The following SEMA3E variants were observed in gnomAD, a reference collection of about 807,000 sequenced individuals.
SEMA3E encodes the protein semaphorin-3E.
In SEMA3E, 49 loss-of-function variants were observed where a neutral mutation model predicts 93.6. The ratio of observed to expected loss-of-function variants is 0.52; its 90% CI spans 0.42 to 0.66. The LOEUF is 0.66. SEMA3E is among the 30% of genes least tolerant of loss of function. SEMA3E has a pLI of 0.00. For synonymous variants in SEMA3E, 363 were observed against 330.7 expected (o/e 1.10, Z -1.06); for missense variants, 906 against 964.8 (o/e 0.94, Z 0.81).
chr7:83,629,536 C>T (rs906159978), intron 1 of SEMA3E, among the ~76,000 whole-genome samples: 28 of 152,082 alleles, frequency 1.8e-4, no homozygotes, highest in African/African-American at 2.7e-4. Flanking sequence ...GTGGCTTTGC[C>T]GAGCTACGAT....
chr7:83,393,311 A>T (rs1351429465), intron 13 of SEMA3E, among the ~76,000 whole-genome samples: 1 of 151,956 alleles, frequency 6.6e-6, no homozygotes, highest in East Asian at 1.9e-4. Flanking sequence ...AGGCAGGTAA[A>T]TTGCTTGAGC....
At chr7:83,526,989 T>G (rs982268874) in intron 1 of SEMA3E, among the ~76,000 whole-genome samples, 2 of 151,928 alleles carry the variant, frequency 1.3e-5, no homozygotes, top group African/African-American at 4.8e-5. Flanking sequence ...TCTTTGCAAA[T>G]AGAGTCTTAT....
At chr7:83,614,864 G>T (rs1291059923) in intron 1 of SEMA3E, among the ~76,000 whole-genome samples, 1 of 152,012 alleles carries the variant, frequency 6.6e-6, no homozygotes, top group Non-Finnish European at 1.5e-5. Flanking sequence ...AGGATGACAG[G>T]GATGTGCAAT....
At chr7:83,441,837 A>G (rs1435983124) in intron 4 of SEMA3E, among the ~76,000 whole-genome samples, 1 of 152,190 alleles carries the variant, frequency 6.6e-6, no homozygotes, top group East Asian at 1.9e-4. Context: ...CCTTCCAGAG[A>G]GGAAAAGGTC....
chr7:83,627,627 G>C (rs1793696877), intron 1 of SEMA3E, among the ~76,000 whole-genome samples: 1 of 95,060 alleles, frequency 1.1e-5, no homozygotes, highest in Non-Finnish European at 2.1e-5. Context: ...CGCAACCCCT[G>C]CTTTTTTTTT....
intron 1 of SEMA3E, among the ~76,000 whole-genome samples, chr7:83,502,087 T>G (rs1427856891): frequency 1.3e-5 from 2 of 152,144 alleles, no homozygotes; most frequent in Non-Finnish European, 2.9e-5. Flanking sequence ...AGGCTTCCAC[T>G]CAGTAAATGG....
At chr7:83,405,403 G>T in intron 9 of SEMA3E, 47 bp downstream of exon 9, 2 of 1,334,154 alleles carry the variant, frequency 1.5e-6, no homozygotes, top group Non-Finnish European at 2.2e-6. Context: ...GTCCGGTGAG[G>T]CATCTCTTGT....
intron 1 of SEMA3E, among the ~76,000 whole-genome samples, chr7:83,527,801 T>G (rs986823085): frequency 6.6e-6 from 1 of 151,962 alleles, no homozygotes. Flanking sequence ...TTGTTGTCAT[T>G]AGTGATATTT....
intron 4 of SEMA3E, chr7:83,461,962 C>T (rs1336001935): frequency 6.6e-6 from 1 of 152,258 alleles, no homozygotes; most frequent in Non-Finnish European, 1.5e-5. Flanking sequence ...GGCCACTGGG[C>T]CAAGGAATGC....
chr7:83,556,115 T>G (rs1791881671), intron 1 of SEMA3E, among the ~76,000 whole-genome samples: 1 of 152,178 alleles, frequency 6.6e-6, no homozygotes, highest in Non-Finnish European at 1.5e-5. Flanking sequence ...TATGAACATG[T>G]TATACGTTTT....
chr7:83,567,390 A>G (rs1014285109), intron 1 of SEMA3E, among the ~76,000 whole-genome samples: 4 of 152,176 alleles, frequency 2.6e-5, no homozygotes, highest in Admixed American at 6.5e-5. Flanking sequence ...TTAAAACTGT[A>G]CTTTTAACCA....
At chr7:83,560,551 C>T (rs983657640) in intron 1 of SEMA3E, among the ~76,000 whole-genome samples, 1 of 151,990 alleles carries the variant, frequency 6.6e-6, no homozygotes, top group African/African-American at 2.4e-5. Context: ...ATATGTTTTG[C>T]ATCTATTTGT....
chr7:83,608,827 G>A (rs1387038476), intron 1 of SEMA3E, among the ~76,000 whole-genome samples: 1 of 152,012 alleles, frequency 6.6e-6, no homozygotes, highest in Non-Finnish European at 1.5e-5. Context: ...ATGGTTATGG[G>A]CATATTAAAA....
At chr7:83,410,579 T>C (rs2709958) in intron 5 of SEMA3E, among the ~76,000 whole-genome samples, 76,927 of 151,910 alleles carry the variant, frequency 0.51, 22,356 homozygotes, top group East Asian at 0.85. Context: ...GTGCTGTCTT[T>C]CCCAGAAATT....
chr7:83,648,375 T>C (rs1321348978), intron 1 of SEMA3E, 53 bp downstream of exon 1: 1 of 1,372,848 alleles, frequency 7.3e-7, no homozygotes, highest in South Asian at 1.2e-5. Flanking sequence ...TTTTTCTTTT[T>C]TCTTTTTCTT....
intron 2 of SEMA3E, among the ~76,000 whole-genome samples, chr7:83,483,429 A>G (rs1584279918): frequency 6.6e-6 from 1 of 152,156 alleles, no homozygotes; most frequent in African/African-American, 2.4e-5. Context: ...TTAATATCAT[A>G]ATAGCTGTAT....
chr7:83,408,496 G>A lies in SEMA3E; in HGVS notation c.551-9C>T. 4 of 1,613,368 alleles carry A rather than the reference G, an allele frequency of 2.5e-6. No individual in the cohort carries two copies. Among genetic ancestry groups the A allele is most frequent in the Non-Finnish European group, 3.4e-6 (4 of 1,179,638 alleles). ...AGCAAACAATTCACTACCTACACGG[G>A]AGCATCAGTAAAAAAGAAGTCAGTA... On this transcript the variant is annotated splice_polypyrimidine_tract_variant and intron_variant, in intron 5 of 16. Coordinates refer to ENST00000643230, the MANE Select transcript of SEMA3E (RefSeq NM_012431.3).
chr7:83,450,497 C>T lies in SEMA3E; in HGVS notation c.456+15985G>A, dbSNP rs146591500. 1.0e-2 allele frequency among the ~76,000 whole-genome samples: 1,516 copies of T among 152,136 alleles called. 14 individuals are homozygous for T. The highest frequency in any genetic ancestry group is 0.014 in the Admixed American group (208 of 15,290). ...ATAACTGTTGAGCAAAATAAGCTAA[C>T]CACACAAAAAACACTTGATGTATGA... On this transcript the variant is annotated intron_variant, in intron 4 of 16. Transcript: ENST00000643230.
chr7:83,533,112 T>C (rs956711554), intron 1 of SEMA3E, among the ~76,000 whole-genome samples: 12 of 152,100 alleles, frequency 7.9e-5, no homozygotes, highest in African/African-American at 1.7e-4. Context: ...TCCTCCTCCT[T>C]CTCCTCCACC....
Sources: gnomAD v4.1 joint callset for allele counts (sites outside exome capture counted in the v4.1 genomes callset) on GRCh38, gnomAD v4.1.1 for gene constraint, MANE v1.5 for transcripts, NCBI Gene and HGNC (gene_info 2026-07-23, HGNC 2026-07-21) for gene names.